Variants in PDS5A observed in about 807,000 individuals in gnomAD.
PDS5A encodes the protein sister chromatid cohesion protein PDS5 homolog A.
A neutral mutation model predicts 167.1 loss-of-function variants in PDS5A; 42 were observed. The observed-to-expected ratio is 0.25, with a 90% CI of 0.20 to 0.33. The LOEUF (loss-of-function observed/expected upper bound fraction) is 0.33, where lower values mean the gene tolerates loss of function less well. Among genes scored for constraint, PDS5A ranks in the 10% least tolerant of loss-of-function variants. The probability of loss-of-function intolerance (pLI) is 1.00; values close to 1 mark genes in which losing one functional copy is unlikely to be tolerated. For missense variants in PDS5A, 1,033 were observed against 1,605.9 expected, an observed-to-expected ratio of 0.64 and a Z score of 6.10; for synonymous variants, 553 against 554.6, an observed-to-expected ratio of 1.00 and a Z score of 0.04.
At position 39,845,872 on chromosome 4, in the gene PDS5A, A is replaced by T; in HGVS notation, c.3348T>A (p.Cys1116Ter). The T allele has an allele frequency of 7.3e-7, 1 of 1,366,194 alleles. No homozygotes were observed. Among genetic ancestry groups the T allele is most frequent in the Admixed American group, 3.7e-5 (1 of 26,694 alleles). 84.6% of individuals were successfully genotyped at this position (1,366,194 alleles called of 1,614,324 possible). Residue 1116 changes from cysteine (C) to a stop codon, truncating the protein, a stop_gained, in exon 29 of 33, where the codon TGT becomes TGA. Transcript: ENST00000303538. LOFTEE classifies it high-confidence loss of function. ...CTTCTGAAATATAACTCTTATCGTT[A>T]CAGAAGTCCTATTAAAAAAAAAAAA... ...KFFTQPEKDF[C>*]NDKSYISEET...
rs777435206 is a variant in PDS5A at position 39,866,951 on chromosome 4, T to C, written c.2552A>G (p.Asn851Ser). 1 of 1,612,568 alleles carries C rather than the reference T, an allele frequency of 6.2e-7. No individual in the cohort carries two copies. Among genetic ancestry groups the C allele is most frequent in the East Asian group, 2.2e-5 (1 of 44,826 alleles). The change falls in exon 23 of 33, where the codon AAC (asparagine) becomes AGC (serine). Residue 851 changes from asparagine to serine, a missense_variant. By Grantham distance (46) the Asn-to-Ser change is conservative (BLOSUM62 1). Transcript: ENST00000303538. ...TGAATTGGCAGATTTAGACTGGTTG[T>C]TTTTCATACCCAACAGCCACCTTAC... ...LLVRWLLGMK[N>S]NQSKSANSTL...
intron 26 of PDS5A, among the ~76,000 whole-genome samples, chr4:39,851,307 G>A (rs1292308193): frequency 7.9e-6 from 1 of 127,278 alleles, no homozygotes; most frequent in African/African-American, 3.0e-5. Flanking sequence ...TTTTTTTTTT[G>A]GTCTGTCTTT....
chr4:39,877,998 T>C (rs1307314475), intron 18 of PDS5A, among the ~76,000 whole-genome samples: 1 of 152,224 alleles, frequency 6.6e-6, no homozygotes, highest in East Asian at 1.9e-4. Flanking sequence ...TATTCCCTTA[T>C]TATAACACCA....
chr4:39,827,856 G>A (rs1284643739), intron 32 of PDS5A, among the ~76,000 whole-genome samples: 1 of 152,158 alleles, frequency 6.6e-6, no homozygotes, highest in Non-Finnish European at 1.5e-5. Context: ...TTATTGACAA[G>A]CTCATCTTCA....
chr4:39,859,599 G>A (rs1440944105), intron 26 of PDS5A, among the ~76,000 whole-genome samples: 1 of 152,230 alleles, frequency 6.6e-6, no homozygotes, highest in East Asian at 1.9e-4. Context: ...AGTAGGGGGA[G>A]AAGAACTAAG....
At chr4:39,836,037 G>A (rs1716351486) in intron 32 of PDS5A, among the ~76,000 whole-genome samples, 1 of 152,180 alleles carries the variant, frequency 6.6e-6, no homozygotes. Context: ...TAAGGGGTAA[G>A]GAAACTAGAA....
At chr4:39,963,777 A>G (rs1040435436) in intron 2 of PDS5A, among the ~76,000 whole-genome samples, 1 of 150,140 alleles carries the variant, frequency 6.7e-6, no homozygotes. Flanking sequence ...AGGCTGCAGC[A>G]GTGAGCCGTG....
At chr4:39,892,545 C>A (rs539882092) in intron 16 of PDS5A, among the ~76,000 whole-genome samples, 2 of 152,294 alleles carry the variant, frequency 1.3e-5, no homozygotes, top group South Asian at 2.1e-4. Context: ...TCCACCCCTG[C>A]CTGGAATGAG....
intron 8 of PDS5A, among the ~76,000 whole-genome samples, chr4:39,915,663 C>A (rs1724310383): frequency 6.6e-6 from 1 of 151,892 alleles, no homozygotes; most frequent in Non-Finnish European, 1.5e-5. Flanking sequence ...CTTGGCCCAG[C>A]CTGATTTTCT....
chr4:39,936,451 CTATT>C (rs143903856), intron 2 of PDS5A, among the ~76,000 whole-genome samples: 36,583 of 151,804 alleles, frequency 0.24, 4,814 homozygotes, highest in East Asian at 0.43. Flanking sequence ...TATTATTTAT[CTATT>C]TGAGACAGTT....
At position 39,823,407 on chromosome 4, in the gene PDS5A, A is replaced by C. The variant is rs917793856; in HGVS notation, c.*2078T>G. 1 of 152,384 alleles carries C rather than the reference A, an allele frequency of 6.6e-6. No homozygotes were observed. The highest frequency in any genetic ancestry group is 2.4e-5 in the African/African-American group (1 of 41,444). The allele number at this position is 152,384 out of a possible 1,614,324, so 9.4% of individuals were successfully genotyped here. On this transcript the variant is annotated 3_prime_UTR_variant, in exon 33 of 33. Transcript: ENST00000303538. Reference sequence around the variant, plus strand: ...CAAAAATCTAAACAGGAATATATTGATGCAGATGGTTCTGCTACATTTTAT... The same window carrying C: ...CAAAAATCTAAACAGGAATATATTGCTGCAGATGGTTCTGCTACATTTTAT...
rs1359259560 is a variant in PDS5A, at chr4:39,900,455, C to G, written c.1552G>C (p.Glu518Gln). The change falls in exon 14 of 33, where the codon GAA (glutamate) becomes CAA (glutamine). Residue 518 changes from glutamate (E) to glutamine (Q), a missense_variant. Around this residue, in one of 4 missense-constraint regions of PDS5A, gnomAD observed 45 missense variants for 40.2 expected, o/e 1.12. Transcript: ENST00000303538. ...GGCTGCTTGTGCAAATCCAATAGTT[C>G]GCGTACATGGCTCCGAAGCATGTTC... ...CQNMLRSHVR[E>Q]LLDLHKQPTS... is the part of the protein sequence containing the mutation. 3 of 1,583,332 alleles carry G rather than the reference C, an allele frequency of 1.9e-6. No homozygotes were observed. The Admixed American group carries it at 5.4e-5, about 28-fold the overall frequency.
At chr4:39,930,809 A>G (rs900825097) in intron 2 of PDS5A, among the ~76,000 whole-genome samples, 6 of 152,244 alleles carry the variant, frequency 3.9e-5, no homozygotes, top group African/African-American at 1.4e-4. Flanking sequence ...AGAAGGAATC[A>G]TAACGGAAAT....
chr4:39,905,914 T>A (rs1723293568), intron 11 of PDS5A, among the ~76,000 whole-genome samples: 1 of 150,870 alleles, frequency 6.6e-6, no homozygotes, highest in South Asian at 2.1e-4. Flanking sequence ...TGATTCAATC[T>A]GAGGAAACTG....
intron 2 of PDS5A, among the ~76,000 whole-genome samples, chr4:39,954,110 G>A (rs999135399): frequency 6.6e-6 from 1 of 152,104 alleles, no homozygotes; most frequent in African/African-American, 2.4e-5. Flanking sequence ...GGAGGCCGAG[G>A]TGGGAGGACT....
intron 17 of PDS5A, among the ~76,000 whole-genome samples, chr4:39,885,889 A>C (rs1578669591): frequency 6.6e-6 from 1 of 152,322 alleles, no homozygotes. Context: ...CAGGAGGTCA[A>C]GGCTGCAGTG....
chr4:39,850,026 A>G (rs994489195), intron 26 of PDS5A, among the ~76,000 whole-genome samples: 3 of 152,020 alleles, frequency 2.0e-5, no homozygotes, highest in Non-Finnish European at 4.4e-5. Context: ...TAATCCTAGC[A>G]CTTTGGGAGG....
intron 5 of PDS5A, among the ~76,000 whole-genome samples, chr4:39,925,174 A>G (rs1191785201): frequency 6.6e-6 from 1 of 152,124 alleles, no homozygotes; most frequent in Non-Finnish European, 1.5e-5. Flanking sequence ...CCACACACAA[A>G]AAAAACCAAA....
intron 2 of PDS5A, among the ~76,000 whole-genome samples, chr4:39,955,606 A>G (rs891719419): frequency 6.6e-6 from 1 of 151,966 alleles, no homozygotes; most frequent in African/African-American, 2.4e-5. Flanking sequence ...GTCATAAAAA[A>G]ACAACAACAA....
Sources: allele counts gnomAD v4.1 joint callset (sites outside exome capture counted in the v4.1 genomes callset), GRCh38; gene constraint gnomAD v4.1.1; regional missense constraint gnomAD v4.1.1; transcripts MANE v1.5; gene names NCBI Gene and HGNC (gene_info 2026-07-23, HGNC 2026-07-21).